The following KIAA1217 variants were observed in gnomAD, a reference collection of about 807,000 sequenced individuals.
KIAA1217 encodes the protein KIAA1217, also known as sickle tail protein homolog.
Under a neutral mutation model 163.9 loss-of-function variants are expected in KIAA1217, and 88 were observed. The observed-to-expected ratio is 0.54, with a 90% CI of 0.45 to 0.64. KIAA1217 has a LOEUF of 0.64. Among genes scored for constraint, KIAA1217 ranks in the 30% least tolerant of loss-of-function variants. The pLI, the probability that KIAA1217 is intolerant of heterozygous loss-of-function variation, is 0.00. For synonymous variants in KIAA1217, 903 were observed against 923.1 expected (o/e 0.98, Z 0.39); for missense variants, 2,372 against 2,475.0 (o/e 0.96, Z 0.88).
chr10:24,308,439 T>G (rs2132935298), intron 2 of KIAA1217, among the ~76,000 whole-genome samples: 1 of 152,286 alleles, frequency 6.6e-6, no homozygotes, highest in East Asian at 1.9e-4. Context: ...AATAGGGTGG[T>G]CTGGACAACT....
chr10:24,111,935 T>C (rs1316880888), intron 2 of KIAA1217, among the ~76,000 whole-genome samples: 1 of 152,084 alleles, frequency 6.6e-6, no homozygotes, highest in African/African-American at 2.4e-5. Context: ...ACTCAGCTAA[T>C]TTGTTTTTGT....
At chr10:24,042,110 T>C (rs1263528452) in intron 2 of KIAA1217, 3 of 152,182 alleles carry the variant, frequency 2.0e-5, no homozygotes, top group Non-Finnish European at 4.4e-5. Context: ...GCCTTGTGTT[T>C]AAAAGAGATC....
intron 1 of KIAA1217, among the ~76,000 whole-genome samples, chr10:23,982,389 G>A (rs1845802846): frequency 6.6e-6 from 1 of 152,136 alleles, no homozygotes; most frequent in Non-Finnish European, 1.5e-5. Context: ...GGACAGCAGT[G>A]GGAGTGACGC....
intron 2 of KIAA1217, among the ~76,000 whole-genome samples, chr10:24,190,131 C>T (rs2130459912): frequency 6.6e-6 from 1 of 152,136 alleles, no homozygotes; most frequent in Admixed American, 6.5e-5. Flanking sequence ...TTCTTCTTGA[C>T]CTCTCTTTGC....
chr10:24,516,653 G>A (rs2070217713), intron 10 of KIAA1217, among the ~76,000 whole-genome samples: 1 of 152,180 alleles, frequency 6.6e-6, no homozygotes, highest in Non-Finnish European at 1.5e-5. Flanking sequence ...ATTGGAGAGA[G>A]GTCCCTCTGG....
chr10:23,743,181 T>C (rs376021607), intron 1 of KIAA1217, among the ~76,000 whole-genome samples: 24 of 151,926 alleles, frequency 1.6e-4, no homozygotes, highest in African/African-American at 5.6e-4. Context: ...AACCAGAAAG[T>C]TGAACTTAAT....
At chr10:23,769,961 T>G (rs1224603399) in intron 1 of KIAA1217, among the ~76,000 whole-genome samples, 1 of 152,232 alleles carries the variant, frequency 6.6e-6, no homozygotes, top group African/African-American at 2.4e-5. Flanking sequence ...CAGTTCCCTT[T>G]TAACTCATAA....
In KIAA1217 at chr10:23,902,127, A is replaced by T. The variant is rs181383154; in HGVS notation, c.-320-105098A>T. 9.1e-4 allele frequency among the ~76,000 whole-genome samples: 138 copies of T among 152,130 alleles called. 1 individual carries two copies. Among genetic ancestry groups the T allele is most frequent in the African/African-American group, 3.1e-3 (129 of 41,538 alleles). On this transcript the variant is annotated intron_variant, in intron 1 of 18. Coordinates refer to the KIAA1217 transcript ENST00000376462. ...ATCTCATTTCTCTGGGTGCTGGTCT[A>T]TATCCCTCTGACATATGATCATTAA... is the stretch of plus-strand genomic sequence containing the variant.
At chr10:23,846,305 C>A (rs914667510) in intron 1 of KIAA1217, among the ~76,000 whole-genome samples, 1 of 152,160 alleles carries the variant, frequency 6.6e-6, no homozygotes, top group African/African-American at 2.4e-5. Context: ...AGCATTGAAT[C>A]TATAAATTAC....
intron 5 of KIAA1217, among the ~76,000 whole-genome samples, chr10:24,440,926 C>G (rs1018333966): frequency 6.6e-6 from 1 of 152,210 alleles, no homozygotes; most frequent in African/African-American, 2.4e-5. Flanking sequence ...ATTCAGCTGC[C>G]CTCACCTTTT....
At position 24,064,200 on chromosome 10, in the gene KIAA1217, G is replaced by A. The variant is rs1245008377; in HGVS notation, c.-171+56826G>A. Among the ~76,000 whole-genome samples the A allele has an allele frequency of 4.6e-5, 7 of 152,172 alleles. No homozygotes were observed. The East Asian group carries it at 1.3e-3, about 29-fold the overall frequency. ...TATGTTGAATAGGAGTGGTGAGAGA[G>A]GGCATCCCTGTCTTGTGCCAGTTTT... is the stretch of plus-strand genomic sequence containing the variant. On this transcript the variant is annotated intron_variant, in intron 2 of 18. Coordinates refer to the KIAA1217 transcript ENST00000376462.
chr10:24,025,448 T>C (rs1166361542), intron 2 of KIAA1217, among the ~76,000 whole-genome samples: 3 of 151,784 alleles, frequency 2.0e-5, no homozygotes, highest in Non-Finnish European at 4.4e-5. Flanking sequence ...AAGAGTTAGC[T>C]CTTCCACTTT....
chr10:24,006,860 G>T (rs1847021885), intron 1 of KIAA1217, among the ~76,000 whole-genome samples: 1 of 152,154 alleles, frequency 6.6e-6, no homozygotes, highest in South Asian at 2.1e-4. Context: ...AGTCTGCAAT[G>T]GTTCAGCTTT....
intron 3 of KIAA1217, among the ~76,000 whole-genome samples, chr10:24,388,264 G>A (rs1415642505): frequency 2.6e-5 from 4 of 152,090 alleles, no homozygotes; most frequent in South Asian, 2.1e-4. Flanking sequence ...ATCTACAACT[G>A]TCTGATCTTT....
At chr10:24,447,334 C>T (rs1200956323) in intron 5 of KIAA1217, among the ~76,000 whole-genome samples, 6 of 151,870 alleles carry the variant, frequency 4.0e-5, no homozygotes, top group Non-Finnish European at 8.8e-5. Flanking sequence ...GTGTGCTGCA[C>T]CCATTAACTC....
chr10:23,741,474 G>A (rs1041596163), intron 1 of KIAA1217, among the ~76,000 whole-genome samples: 6 of 152,026 alleles, frequency 3.9e-5, no homozygotes, highest in Non-Finnish European at 5.9e-5. Flanking sequence ...AATCCTTCAG[G>A]TCAAGGCAAG....
At chr10:24,035,140 C>T (rs1157731394) in intron 2 of KIAA1217, among the ~76,000 whole-genome samples, 1 of 152,154 alleles carries the variant, frequency 6.6e-6, no homozygotes, top group Non-Finnish European at 1.5e-5. Context: ...ACTTAGTATC[C>T]GTGAGATCTT....
intron 1 of KIAA1217, among the ~76,000 whole-genome samples, chr10:23,929,304 ATTTTATTTTATT>A (rs1379048156): frequency 1.3e-5 from 2 of 151,322 alleles, no homozygotes; most frequent in African/African-American, 4.9e-5. Flanking sequence ...GAAATAATGG[ATTTTATTTTATT>A]TTTTATTTTT....
At chr10:24,449,821 G>A in intron 5 of KIAA1217, 2 of 858,982 alleles carry the variant, frequency 2.3e-6, no homozygotes, top group Non-Finnish European at 2.8e-6. Flanking sequence ...TTCATGCTCT[G>A]GCACGTTTAT....
Sources: allele counts gnomAD v4.1 joint callset (sites outside exome capture counted in the v4.1 genomes callset), GRCh38; gene constraint gnomAD v4.1.1; transcripts MANE v1.5; gene names NCBI Gene and HGNC (gene_info 2026-07-23, HGNC 2026-07-21).